Variants in KCNMA1 observed in about 807,000 individuals in gnomAD.
The protein encoded by KCNMA1 is potassium calcium-activated channel subfamily M alpha 1.
Under a neutral mutation model 140.0 loss-of-function variants are expected in KCNMA1, and 29 were observed. That is an observed-to-expected ratio of 0.21 (90% CI 0.15 to 0.28). The LOEUF (loss-of-function observed/expected upper bound fraction) is 0.28. KCNMA1 is among the 10% of genes least tolerant of loss of function. The pLI is 1.00. For missense variants in KCNMA1, 880 were observed against 1,602.2 expected, an observed-to-expected ratio of 0.55 and a Z score of 7.70; for synonymous variants, 612 against 611.9, an observed-to-expected ratio of 1.00 and a Z score of 0.00.
intron 1 of KCNMA1, among the ~76,000 whole-genome samples, chr10:77,463,939 G>C (rs974439586): frequency 6.6e-6 from 1 of 152,158 alleles, no homozygotes; most frequent in East Asian, 1.9e-4. Context: ...GGAGCCCCTT[G>C]CTATTCCAAG....
intron 25 of KCNMA1, among the ~76,000 whole-genome samples, chr10:76,896,523 G>C (rs887601103): frequency 6.6e-6 from 1 of 152,168 alleles, no homozygotes; most frequent in Non-Finnish European, 1.5e-5. Flanking sequence ...GGGATTAAGA[G>C]ATTAAAGACA....
intron 2 of KCNMA1, among the ~76,000 whole-genome samples, chr10:77,277,644 A>G (rs1436820781): frequency 6.6e-6 from 1 of 152,182 alleles, no homozygotes; most frequent in Non-Finnish European, 1.5e-5. Flanking sequence ...GGAATCACCA[A>G]TCACTTCTCC....
At chr10:76,908,126 A>T (rs979544819) in intron 25 of KCNMA1, among the ~76,000 whole-genome samples, 3 of 152,230 alleles carry the variant, frequency 2.0e-5, no homozygotes, top group African/African-American at 7.2e-5. Flanking sequence ...TTCTAATGAG[A>T]TGAATTACCA....
intron 1 of KCNMA1, among the ~76,000 whole-genome samples, chr10:77,583,829 G>A (rs545628329): frequency 2.6e-5 from 4 of 152,272 alleles, no homozygotes; most frequent in African/African-American, 7.2e-5. Context: ...ACTTCCTAAA[G>A]GCTTTGGTGC....
intron 13 of KCNMA1, among the ~76,000 whole-genome samples, chr10:77,078,911 G>A (rs560437594): frequency 2.7e-4 from 41 of 152,316 alleles, no homozygotes; most frequent in African/African-American, 9.6e-4. Context: ...GACACTTCCC[G>A]AATGAATGAA....
At chr10:77,342,746 G>T (rs117614190) in intron 2 of KCNMA1, among the ~76,000 whole-genome samples, 2,179 of 152,300 alleles carry the variant, frequency 0.014, 29 homozygotes, top group Middle Eastern at 0.031. Flanking sequence ...CTCAACAAGG[G>T]TATAATCAGA....
chr10:77,348,417 G>A (rs2092464037), intron 2 of KCNMA1, among the ~76,000 whole-genome samples: 1 of 152,138 alleles, frequency 6.6e-6, no homozygotes, highest in Non-Finnish European at 1.5e-5. Context: ...CAGGAGAGGT[G>A]TGTATGCCTG....
chr10:77,274,874 T>G (rs1198564785), intron 2 of KCNMA1, among the ~76,000 whole-genome samples: 1 of 152,180 alleles, frequency 6.6e-6, no homozygotes, highest in Non-Finnish European at 1.5e-5. Flanking sequence ...AGCCATCTCA[T>G]GGTGAGTTTT....
At chr10:76,870,155 T>C (rs1382920839) in exon 28 of KCNMA1, 2 of 152,768 alleles carry the variant, frequency 1.3e-5, no homozygotes, top group African/African-American at 4.8e-5. Flanking sequence ...GCGAGCGCTC[T>C]GGGGCAGATG....
intron 27 of KCNMA1, 173 bp from the exon 28 acceptor site, chr10:76,887,688 C>T (rs2037781385): frequency 1.4e-6 from 1 of 737,426 alleles, no homozygotes; most frequent in Admixed American, 2.3e-5. Context: ...ATGGAAACTT[C>T]CTCTGTTTAA....
At chr10:77,157,918 G>A (rs554407093) in intron 5 of KCNMA1, among the ~76,000 whole-genome samples, 2 of 152,292 alleles carry the variant, frequency 1.3e-5, no homozygotes, top group South Asian at 2.1e-4. Context: ...CCTCCTTAGC[G>A]ATGGGCTGCC....
chr10:76,886,704 T>C lies in KCNMA1; in HGVS notation c.*562A>G. ...CCTTCATAATCATCTACACAAATCG[T>C]GAAAGCTTTTCAAATGCTTCGCAAT... On this transcript the variant is annotated 3_prime_UTR_variant, in exon 28 of 28. Transcript: ENST00000286628. 2.0e-6 allele frequency: 2 copies of C among 1,003,704 alleles called. No individual in the cohort carries two copies. The highest frequency in any genetic ancestry group is 1.2e-6 in the Non-Finnish European group (1 of 840,214). 62.2% of individuals were successfully genotyped at this position (1,003,704 alleles called of 1,614,324 possible).
intron 17 of KCNMA1, among the ~76,000 whole-genome samples, chr10:77,018,713 T>C (rs2092478213): frequency 6.6e-6 from 1 of 152,202 alleles, no homozygotes; most frequent in Non-Finnish European, 1.5e-5. Context: ...TGTTATGTTG[T>C]TCTGAATCAT....
chr10:76,955,133 G>A (rs75288733), intron 20 of KCNMA1, among the ~76,000 whole-genome samples: 1 of 151,584 alleles, frequency 6.6e-6, no homozygotes, highest in African/African-American at 2.4e-5. Flanking sequence ...TCCATAAATT[G>A]TAAAGTGATT....
intron 1 of KCNMA1, among the ~76,000 whole-genome samples, chr10:77,440,604 G>A (rs955463259): frequency 1.7e-4 from 26 of 152,256 alleles, no homozygotes; most frequent in African/African-American, 5.8e-4. Flanking sequence ...GATGCTGCCA[G>A]GGAGAACATG....
At chr10:77,037,594 G>A (rs1402660663) in intron 15 of KCNMA1, among the ~76,000 whole-genome samples, 1 of 152,080 alleles carries the variant, frequency 6.6e-6, no homozygotes, top group Admixed American at 6.5e-5. Flanking sequence ...AGGGCCTGGG[G>A]GTTGGGGAGG....
rs1461680700 is a variant in KCNMA1 at position 77,619,320 on chromosome 10, C to G, written c.378+17945G>C. 4.5e-4 allele frequency among the ~76,000 whole-genome samples: 64 copies of G among 143,194 alleles called. 1 individual carries two copies. The highest frequency in any genetic ancestry group is 7.9e-3 in the Middle Eastern group (2 of 254). 93.9% of individuals were successfully genotyped at this position (143,194 alleles called of 152,430 possible). On this transcript the variant is annotated intron_variant, in intron 1 of 27. Coordinates refer to ENST00000286628, the MANE Select transcript of KCNMA1 (RefSeq NM_001161352.2). ...AGTGTCTCTCTGTCTGTCTGTCTCT[C>G]TCTCTCTCTCTCTCTCTCTCTCTCT...
intron 2 of KCNMA1, among the ~76,000 whole-genome samples, chr10:77,370,818 C>T (rs2094648325): frequency 6.6e-6 from 1 of 152,190 alleles, no homozygotes; most frequent in Non-Finnish European, 1.5e-5. Context: ...TTGACCAACT[C>T]TGTGACCTTG....
intron 1 of KCNMA1, among the ~76,000 whole-genome samples, chr10:77,608,653 G>C (rs1440310791): frequency 6.6e-6 from 1 of 152,156 alleles, no homozygotes; most frequent in African/African-American, 2.4e-5. Context: ...GAATTGCTCA[G>C]ACCTCTGAGG....
Sources: gnomAD v4.1 joint callset for allele counts (sites outside exome capture counted in the v4.1 genomes callset) on GRCh38, gnomAD v4.1.1 for gene constraint, MANE v1.5 for transcripts, NCBI Gene and HGNC (gene_info 2026-07-23, HGNC 2026-07-21) for gene names.